The following KHDC4 variants were observed in gnomAD, a reference collection of about 807,000 sequenced individuals.
The protein encoded by KHDC4 is KH domain containing 4, pre-mRNA splicing factor.
In KHDC4, 19 loss-of-function variants were observed where a neutral mutation model predicts 74.5. The observed-to-expected ratio is 0.26, with a 90% CI of 0.18 to 0.37. The LOEUF (loss-of-function observed/expected upper bound fraction) is 0.37, where lower values mean the gene tolerates loss of function less well. KHDC4 is among the 10% of genes least tolerant of loss of function. The pLI is 1.00. For missense variants in KHDC4, 632 were observed against 754.1 expected, an observed-to-expected ratio of 0.84 and a Z score of 1.90; for synonymous variants, 253 against 266.1, an observed-to-expected ratio of 0.95 and a Z score of 0.48.
chr1:155,918,499 C>T (rs187157645), intron 10 of KHDC4, among the ~76,000 whole-genome samples: 12 of 152,248 alleles, frequency 7.9e-5, no homozygotes, highest in Admixed American at 1.3e-4. Flanking sequence ...TTGAGAAATG[C>T]ACTGCAAGGC....
intron 2 of KHDC4, among the ~76,000 whole-genome samples, chr1:155,931,987 CAT>C (rs1225539486): frequency 4.6e-5 from 7 of 152,194 alleles, no homozygotes; most frequent in South Asian, 2.1e-4. Context: ...CCATTAGCCA[CAT>C]GTGTCTCTTG....
intron 7 of KHDC4, 47 bp from the exon 8 acceptor site, chr1:155,923,734 A>G (rs779294419): frequency 3.6e-6 from 5 of 1,402,514 alleles, no homozygotes; most frequent in African/African-American, 1.4e-5. Flanking sequence ...AATAAATAAA[A>G]GATGCAGAAT....
chr1:155,927,320 T>C (rs139651666), intron 4 of KHDC4, among the ~76,000 whole-genome samples, 164 bp from the exon 5 acceptor site: 174 of 152,346 alleles, frequency 1.1e-3, no homozygotes, highest in Non-Finnish European at 2.0e-3. Context: ...GAACATGCTT[T>C]AACAGCTGGG....
intron 13 of KHDC4, 185 bp from the exon 14 acceptor site, chr1:155,914,505 C>G: frequency 1.8e-6 from 1 of 565,662 alleles, no homozygotes. Context: ...CCAGCATCAG[C>G]AAATGTGAAT....
At position 155,923,608 on chromosome 1, in the gene KHDC4, TCAGA is replaced by T; in HGVS notation, c.954+15_954+18del. ...TGGCAATTGCTCTTCTGAATGAGTA[TCAGA>T]CAAATACAACTCACTGTTTGCAAAA... On this transcript the variant is annotated intron_variant, in intron 8 of 13. Transcript: ENST00000368321. 5.0e-6 allele frequency: 8 copies of T among 1,595,908 alleles called. No individual in the cohort carries two copies. The highest frequency in any genetic ancestry group is 6.9e-6 in the Non-Finnish European group (8 of 1,163,574).
At chr1:155,930,974 G>C (rs1476159057) in intron 2 of KHDC4, among the ~76,000 whole-genome samples, 1 of 152,064 alleles carries the variant, frequency 6.6e-6, no homozygotes, top group Non-Finnish European at 1.5e-5. Flanking sequence ...TCACGCCATC[G>C]CACTCCAGCC....
At chr1:155,917,319 A>T (rs990458815) in intron 11 of KHDC4, among the ~76,000 whole-genome samples, 180 bp downstream of exon 11, 2 of 152,186 alleles carry the variant, frequency 1.3e-5, no homozygotes, top group African/African-American at 4.8e-5. Flanking sequence ...GATGTATAAG[A>T]AAGTAAGAAC....
intron 13 of KHDC4, chr1:155,915,447 T>G: frequency 6.6e-6 from 1 of 152,172 alleles, no homozygotes; most frequent in Non-Finnish European, 1.5e-5. Flanking sequence ...GGCCAACAGA[T>G]TATAGAGGTT....
chr1:155,917,560 T>C lies in KHDC4; in HGVS notation c.1379A>G (p.Gln460Arg). 1.3e-6 allele frequency: 2 copies of C among 1,534,958 alleles called. No individual in the cohort carries two copies. The highest frequency in any genetic ancestry group is 1.8e-6 in the Non-Finnish European group (2 of 1,134,228). Reference sequence around the variant, plus strand: ...TAGCTCCTCTGTGAATCGTCTCTTCTGTGCCTGGGGCTGACTTGGGAGTGG... The same window carrying C: ...TAGCTCCTCTGTGAATCGTCTCTTCCGTGCCTGGGGCTGACTTGGGAGTGG... Reference protein sequence around the residue: ...QPPLPSQPQAQKRRFTEELPD... With the variant: ...QPPLPSQPQARKRRFTEELPD... The change falls in exon 11 of 14, where the codon CAG becomes CGG. Residue 460 changes from glutamine to arginine, a missense_variant. Gln to Arg is a conservative substitution (Grantham distance 43). Around this residue, in one of 4 missense-constraint regions of KHDC4, gnomAD observed 254 missense variants for 267.4 expected, o/e 0.95. Coordinates refer to ENST00000368321, the MANE Select transcript of KHDC4 (RefSeq NM_014949.4).
intron 8 of KHDC4, 146 bp from the exon 9 acceptor site, chr1:155,922,064 A>AC: frequency 2.1e-6 from 1 of 465,582 alleles, no homozygotes. Context: ...TGTTTAACCC[A>AC]CATTTTTTTT....
intron 10 of KHDC4, among the ~76,000 whole-genome samples, chr1:155,918,035 T>C (rs571188492): frequency 6.6e-6 from 1 of 152,342 alleles, no homozygotes; most frequent in Admixed American, 6.5e-5. Context: ...TGCTAATGCT[T>C]GTGGAAGAAG....
At chr1:155,926,325 C>CTG (rs1673995870) in intron 6 of KHDC4, 15 of 175,500 alleles carry the variant, frequency 8.5e-5, no homozygotes, top group African/African-American at 4.4e-4. Context: ...TTACTTGGCA[C>CTG]TTTTTTTTTT....
At chr1:155,925,435 G>C (rs1198499924) in intron 7 of KHDC4, among the ~76,000 whole-genome samples, 197 bp downstream of exon 7, 1 of 152,008 alleles carries the variant, frequency 6.6e-6, no homozygotes, top group Non-Finnish European at 1.5e-5. Flanking sequence ...CAGAAGTGTT[G>C]GGATTACAGG....
Position 155,925,803 on chromosome 1 carries a change from T to C in KHDC4, c.722A>G (p.His241Arg), listed in dbSNP as rs1470809988. 1 of 1,614,114 alleles carries C rather than the reference T, an allele frequency of 6.2e-7. No homozygotes were observed. Among genetic ancestry groups the C allele is most frequent in the South Asian group, 1.1e-5 (1 of 91,078 alleles). ...CTTGACATTAAAAGTGGGTACAGCA[T>C]GTTCTAGACCCACAAATAATTTATC... The part of the protein sequence containing the change: ...VQDKLFVGLE[H>R]AVPTFNVKEK... The change falls in exon 7 of 14, where the codon CAT becomes CGT. Residue 241 changes from histidine (H) to arginine (R), a missense_variant. By Grantham distance (29) the His-to-Arg change is conservative (BLOSUM62 0). Coordinates refer to ENST00000368321, the MANE Select transcript of KHDC4 (RefSeq NM_014949.4).
At chr1:155,928,677 G>A (rs1355373869) in intron 4 of KHDC4, among the ~76,000 whole-genome samples, 1 of 151,620 alleles carries the variant, frequency 6.6e-6, no homozygotes, top group Non-Finnish European at 1.5e-5. Context: ...ACAATGCCGG[G>A]CGTGGTGGCT....
intron 10 of KHDC4, 176 bp downstream of exon 10, chr1:155,921,199 T>G: frequency 1.5e-6 from 1 of 661,422 alleles, no homozygotes. Context: ...CAGGATGACA[T>G]ACACACATAC....
chr1:155,916,113 T>C, intron 12 of KHDC4, 149 bp from the exon 13 acceptor site: 1 of 599,984 alleles, frequency 1.7e-6, no homozygotes, highest in East Asian at 3.0e-5. Context: ...CCCCAGCCCC[T>C]TTATAAAAGT....
intron 2 of KHDC4, 51 bp downstream of exon 2, chr1:155,933,582 C>G (rs1257678636): frequency 2.0e-6 from 3 of 1,475,308 alleles, no homozygotes; most frequent in Non-Finnish European, 2.8e-6. Context: ...CCGCGCCCGG[C>G]AAAACAACTA....
At position 155,925,827 on chromosome 1, in the gene KHDC4, T is replaced by A; in HGVS notation, c.698A>T (p.Asp233Val). ...ATGTTCTAGACCCACAAATAATTTA[T>A]CTTGAACATAATGCATCTGTAGGAA... ...PFQSGMHYVQ[D>V]KLFVGLEHAV... The change falls in exon 7 of 14, where the codon GAT becomes GTT. Residue 233 changes from aspartate (D) to valine (V), a missense_variant. Transcript: ENST00000368321. 1 of 1,612,510 alleles carries A rather than the reference T, an allele frequency of 6.2e-7. No homozygotes were observed. The highest frequency in any genetic ancestry group is 8.5e-7 in the Non-Finnish European group (1 of 1,178,508).
Sources: allele counts gnomAD v4.1 joint callset (sites outside exome capture counted in the v4.1 genomes callset), GRCh38; gene constraint gnomAD v4.1.1; regional missense constraint gnomAD v4.1.1; transcripts MANE v1.5; gene names NCBI Gene and HGNC (gene_info 2026-07-23, HGNC 2026-07-21).